VMP1: variants seen among roughly 807,000 people sequenced by gnomAD.
VMP1 encodes the protein ectopic P-granules autophagy protein 3 homolog.
Under a neutral mutation model 56.0 loss-of-function variants are expected in VMP1, and 11 were observed. The ratio of observed to expected loss-of-function variants is 0.20; its 90% confidence interval spans 0.12 to 0.32. The LOEUF (loss-of-function observed/expected upper bound fraction) is 0.32, where lower values mean the gene tolerates loss of function less well. VMP1 is among the 10% of genes least tolerant of loss of function. VMP1 has a pLI of 1.00. For synonymous variants in VMP1, 149 were observed against 165.0 expected, an observed-to-expected ratio of 0.90 and a Z score of 0.74; for missense variants, 296 against 490.3, an observed-to-expected ratio of 0.60 and a Z score of 3.74.
intron 7 of VMP1, among the ~76,000 whole-genome samples, chr17:59,792,878 T>TAATAATAATAA (rs200472779): frequency 7.1e-5 from 5 of 70,492 alleles, no homozygotes; most frequent in Non-Finnish European, 1.2e-4. Flanking sequence ...ATAATAATAA[T>TAATAATAATAA]TATTATTATT....
intron 7 of VMP1, among the ~76,000 whole-genome samples, chr17:59,783,053 G>A (rs867886032): frequency 2.6e-5 from 4 of 152,130 alleles, no homozygotes; most frequent in Middle Eastern, 3.4e-3. Flanking sequence ...AAAGTTAGCC[G>A]GGCGTGGTGG....
intron 10 of VMP1, among the ~76,000 whole-genome samples, chr17:59,828,429 T>C (rs1452964869): frequency 8.5e-5 from 13 of 152,204 alleles, no homozygotes; most frequent in Admixed American, 8.5e-4. Flanking sequence ...AGCATGGTCT[T>C]CCTTCTACAC....
At chr17:59,717,584 T>G (rs1287406552) in intron 1 of VMP1, among the ~76,000 whole-genome samples, 1 of 152,162 alleles carries the variant, frequency 6.6e-6, no homozygotes, top group Non-Finnish European at 1.5e-5. Context: ...GGTTCCACAG[T>G]GTTGGCCAGT....
intron 5 of VMP1, among the ~76,000 whole-genome samples, chr17:59,746,149 C>T (rs762989599): frequency 6.6e-6 from 1 of 152,050 alleles, no homozygotes; most frequent in South Asian, 2.1e-4. Context: ...TAAATTTATC[C>T]GTAAACAGTT....
At chr17:59,758,235 G>A (rs1401785826) in intron 5 of VMP1, among the ~76,000 whole-genome samples, 1 of 152,074 alleles carries the variant, frequency 6.6e-6, no homozygotes, top group South Asian at 2.1e-4. Context: ...TTATAGCACA[G>A]CAGATGGTCT....
rs548710759 is a variant in VMP1 at position 59,766,842 on chromosome 17, C to T, written c.582+1704C>T. ...TCGCCCGGGCTAAAGTGTGGTAGCG[C>T]AATCTCGGCTCACTGCAACCTCTGT... On this transcript the variant is annotated intron_variant, in intron 6 of 11. Coordinates refer to ENST00000262291, the MANE Select transcript of VMP1 (RefSeq NM_030938.5). 7.2e-5 allele frequency among the ~76,000 whole-genome samples: 11 copies of T among 151,818 alleles called. No individual in the cohort carries two copies. In the East Asian group the frequency reaches 7.8e-4, roughly 11 times the overall value.
At chr17:59,761,245 A>G (rs1233074208) in intron 5 of VMP1, among the ~76,000 whole-genome samples, 2 of 152,072 alleles carry the variant, frequency 1.3e-5, no homozygotes, top group Non-Finnish European at 2.9e-5. Context: ...GGATTTGTTC[A>G]GTTTCTTAAG....
At chr17:59,819,332 G>A (rs757124046) in intron 10 of VMP1, among the ~76,000 whole-genome samples, 4 of 151,816 alleles carry the variant, frequency 2.6e-5, no homozygotes, top group Admixed American at 6.6e-5. Flanking sequence ...TTGTAGAGAC[G>A]GGGTCTCGCT....
At position 59,817,461 on chromosome 17, in the gene VMP1, C is replaced by T. The variant is rs550810303; in HGVS notation, c.913-251C>T. Reference sequence around the variant, plus strand: ...CCGCCTCCTGGGTTCAAGCAATTCTCCTGCCTCAGCCTCCCAAGTAGCTGG... The same window carrying T: ...CCGCCTCCTGGGTTCAAGCAATTCTTCTGCCTCAGCCTCCCAAGTAGCTGG... On this transcript the variant is annotated intron_variant, in intron 9 of 11. Coordinates refer to ENST00000262291, the MANE Select transcript of VMP1 (RefSeq NM_030938.5). 8.6e-5 allele frequency among the ~76,000 whole-genome samples: 13 copies of T among 151,616 alleles called. No individual in the cohort carries two copies. In the South Asian group the frequency reaches 2.3e-3, roughly 27 times the overall value.
At chr17:59,732,417 A>G (rs1242807708) in intron 2 of VMP1, among the ~76,000 whole-genome samples, 1 of 152,012 alleles carries the variant, frequency 6.6e-6, no homozygotes, top group Non-Finnish European at 1.5e-5. Context: ...CAATTTTTGT[A>G]TTTTTAGTAG....
intron 10 of VMP1, among the ~76,000 whole-genome samples, chr17:59,837,151 C>G (rs1473604563): frequency 6.6e-6 from 1 of 151,134 alleles, no homozygotes; most frequent in Non-Finnish European, 1.5e-5. Flanking sequence ...TGCAGTGAGC[C>G]GAGATCAGGC....
At chr17:59,787,246 G>T (rs540317698) in intron 7 of VMP1, among the ~76,000 whole-genome samples, 1 of 152,092 alleles carries the variant, frequency 6.6e-6, no homozygotes, top group Non-Finnish European at 1.5e-5. Flanking sequence ...GGAATTCTTC[G>T]TGCCCCCTTT....
intron 7 of VMP1, among the ~76,000 whole-genome samples, chr17:59,784,632 G>A (rs1469827921): frequency 6.6e-6 from 1 of 152,184 alleles, no homozygotes; most frequent in Non-Finnish European, 1.5e-5. Flanking sequence ...TACTCATGCA[G>A]TGGATACTTT....
chr17:59,765,413 G>A lies in VMP1; in HGVS notation c.582+275G>A, dbSNP rs571907918. Reference sequence around the variant, plus strand: ...GTACAGATGATGGAACCACAGTTGAGCCTTGAACCATGTGTGGGTTAGGGG... The same window carrying A: ...GTACAGATGATGGAACCACAGTTGAACCTTGAACCATGTGTGGGTTAGGGG... On this transcript the variant is annotated intron_variant, in intron 6 of 11. Coordinates refer to ENST00000262291, the MANE Select transcript of VMP1 (RefSeq NM_030938.5). Among the ~76,000 whole-genome samples, 9 of 152,318 alleles carry A rather than the reference G, an allele frequency of 5.9e-5. No homozygotes were observed. In the East Asian group the frequency reaches 1.7e-3, roughly 29 times the overall value.
chr17:59,806,911 AT>A (rs761346637), intron 7 of VMP1, among the ~76,000 whole-genome samples: 13 of 150,878 alleles, frequency 8.6e-5, no homozygotes, highest in Non-Finnish European at 1.0e-4. Flanking sequence ...GACTGATCAT[AT>A]TTTTTTTTAA....
intron 11 of VMP1, 153 bp from the exon 12 acceptor site, chr17:59,839,615 T>G (rs556931444): frequency 3.4e-6 from 3 of 880,254 alleles, no homozygotes; most frequent in African/African-American, 1.7e-5. Context: ...AGGAGAGTAA[T>G]GGAGATTTCA....
chr17:59,774,956 T>G (rs2036565959), intron 7 of VMP1, among the ~76,000 whole-genome samples: 1 of 151,828 alleles, frequency 6.6e-6, no homozygotes, highest in African/African-American at 2.4e-5. Flanking sequence ...TTTTTTTTTT[T>G]TTTGAGATGG....
intron 7 of VMP1, among the ~76,000 whole-genome samples, chr17:59,789,835 CTTTTTT>C (rs754631557): frequency 7.2e-4 from 62 of 85,978 alleles, no homozygotes; most frequent in African/African-American, 2.5e-3. Context: ...CTTTCTTTCC[CTTTTTT>C]TTTTTTTTTT....
intron 1 of VMP1, chr17:59,730,022 G>A (rs1261201037): frequency 6.6e-6 from 1 of 152,062 alleles, no homozygotes; most frequent in Non-Finnish European, 1.5e-5. Context: ...TAACAGGTAT[G>A]AGATTGTATC....
Sources: allele counts gnomAD v4.1 joint callset (sites outside exome capture counted in the v4.1 genomes callset), GRCh38; gene constraint gnomAD v4.1.1; transcripts MANE v1.5; gene names NCBI Gene and HGNC (gene_info 2026-07-23, HGNC 2026-07-21).